The following WWC1 variants were observed in gnomAD, a reference collection of about 807,000 sequenced individuals.
The protein encoded by WWC1 is protein KIBRA.
A neutral mutation model predicts 138.4 loss-of-function variants in WWC1; 55 were observed. The observed-to-expected ratio is 0.40, with a 90% confidence interval of 0.32 to 0.50. The LOEUF (loss-of-function observed/expected upper bound fraction) is 0.50. Ranked by LOEUF, WWC1 falls within the 20% of genes least tolerant of loss-of-function variation. WWC1 has a pLI of 0.72. For synonymous variants in WWC1, 524 were observed against 564.9 expected (o/e 0.93, Z 1.03); for missense variants, 1,226 against 1,420.4 (o/e 0.86, Z 2.20).
intron 16 of WWC1, 153 bp downstream of exon 16, chr5:168,441,987 C>T (rs1754816156): frequency 1.8e-6 from 2 of 1,127,638 alleles, no homozygotes; most frequent in Non-Finnish European, 2.4e-6. Flanking sequence ...GGAGAGATCT[C>T]CACTAAGGGG....
intron 1 of WWC1, among the ~76,000 whole-genome samples, chr5:168,313,520 G>A (rs1412563458): frequency 1.3e-5 from 2 of 152,110 alleles, no homozygotes; most frequent in East Asian, 3.9e-4. Context: ...GAACCCAGGA[G>A]GTGGAGGTTG....
chr5:168,333,365 C>T (rs1314877788), intron 1 of WWC1, among the ~76,000 whole-genome samples: 1 of 152,300 alleles, frequency 6.6e-6, no homozygotes, highest in East Asian at 1.9e-4. Flanking sequence ...GTGGATGATG[C>T]CTATTTTGCA....
At position 168,434,981 on chromosome 5, in the gene WWC1, C is replaced by G. The variant is rs774563089; in HGVS notation, c.2280+3537C>G. ...TGTCAAAGTGAACTCTCCACCCCCT[C>G]CTCTCCAACTGAGCAACTGGAAAAA... On this transcript the variant is annotated intron_variant, in intron 15 of 22. Coordinates refer to ENST00000265293, the MANE Select transcript of WWC1 (RefSeq NM_015238.3). 6.5e-4 allele frequency among the ~76,000 whole-genome samples: 99 copies of G among 152,198 alleles called. 3 individuals are homozygous for G. Among genetic ancestry groups the G allele is most frequent in the Admixed American group, 3.3e-4 (5 of 15,292 alleles).
chr5:168,361,142 A>C (rs1039189773), intron 1 of WWC1, among the ~76,000 whole-genome samples: 1 of 152,220 alleles, frequency 6.6e-6, no homozygotes, highest in East Asian at 1.9e-4. Flanking sequence ...CTATACCTGC[A>C]GGAAAACTGA....
chr5:168,338,914 T>C (rs1483900040), intron 1 of WWC1, among the ~76,000 whole-genome samples: 2 of 152,146 alleles, frequency 1.3e-5, no homozygotes, highest in Non-Finnish European at 2.9e-5. Context: ...TCTATAGCAC[T>C]AAAAAACTAT....
chr5:168,439,955 T>C (rs776736440), intron 15 of WWC1, among the ~76,000 whole-genome samples: 39 of 152,324 alleles, frequency 2.6e-4, no homozygotes, highest in Non-Finnish European at 4.0e-4. Flanking sequence ...CACAGTTTTC[T>C]ACCTCACTTG....
At chr5:168,317,787 C>A (rs1462085463) in intron 1 of WWC1, among the ~76,000 whole-genome samples, 2 of 152,164 alleles carry the variant, frequency 1.3e-5, no homozygotes, top group Non-Finnish European at 2.9e-5. Context: ...TGCCTAATGA[C>A]TCCTAGAATA....
chr5:168,315,757 G>A (rs1561599539), intron 1 of WWC1, among the ~76,000 whole-genome samples: 2 of 152,076 alleles, frequency 1.3e-5, no homozygotes, highest in Non-Finnish European at 2.9e-5. Context: ...GGTGACGAAT[G>A]GTCGCTTCCC....
At chr5:168,409,192 G>A (rs1049673029) in intron 7 of WWC1, among the ~76,000 whole-genome samples, 1 of 152,152 alleles carries the variant, frequency 6.6e-6, no homozygotes, top group African/African-American at 2.4e-5. Context: ...ATGGTGCCTC[G>A]TAACTTTTGG....
At chr5:168,411,216 C>T (rs868611061) in intron 8 of WWC1, among the ~76,000 whole-genome samples, 7 of 152,222 alleles carry the variant, frequency 4.6e-5, no homozygotes, top group Middle Eastern at 3.4e-3. Flanking sequence ...TGTGAGCTAC[C>T]GCACCCGGCC....
rs1554101623 is a variant in WWC1 at position 168,384,733 on chromosome 5, T to TTTTTTG, written c.230-476_230-475insTTTGTT. On this transcript the variant is annotated intron_variant, in intron 2 of 22. Coordinates refer to ENST00000265293, the MANE Select transcript of WWC1 (RefSeq NM_015238.3). ...TTATTCTTTTTTTTTTTTTTTTTTT[T>TTTTTTG]TTCAGACAGAGTCTCATTATGTCAT... is the stretch of plus-strand genomic sequence containing the variant. Among the ~76,000 whole-genome samples, 38 of 144,534 alleles carry TTTTTTG rather than the reference T, an allele frequency of 2.6e-4. 1 individual carries two copies. The highest frequency in any genetic ancestry group is 4.7e-4 in the African/African-American group (18 of 38,640). 94.8% of individuals were successfully genotyped at this position (144,534 alleles called of 152,430 possible).
At chr5:168,337,865 C>A (rs777521608) in intron 1 of WWC1, among the ~76,000 whole-genome samples, 3 of 152,108 alleles carry the variant, frequency 2.0e-5, no homozygotes, top group Non-Finnish European at 4.4e-5. Flanking sequence ...GCTAGCCATG[C>A]AGGAAGAGGA....
intron 1 of WWC1, among the ~76,000 whole-genome samples, chr5:168,364,458 G>A (rs191467626): frequency 2.0e-4 from 31 of 152,286 alleles, no homozygotes; most frequent in African/African-American, 6.7e-4. Context: ...CGCGGGTAGC[G>A]TTACAGCCAC....
chr5:168,417,917 CTT>C (rs1406113327), intron 9 of WWC1, among the ~76,000 whole-genome samples: 1 of 152,184 alleles, frequency 6.6e-6, no homozygotes, highest in Non-Finnish European at 1.5e-5. Context: ...CCCCAGCTGT[CTT>C]TGTGTCTGCA....
In WWC1 at chr5:168,380,147, A is replaced by T. The variant is rs554977361; in HGVS notation, c.230-5064A>T. ...TCCAAGTATGTAAAGACGTCCTACA[A>T]CTTAACAGTAAGAAGCAGCTGGCAC... On this transcript the variant is annotated intron_variant, in intron 2 of 22. Coordinates refer to ENST00000265293, the MANE Select transcript of WWC1 (RefSeq NM_015238.3). Among the ~76,000 whole-genome samples, 111 of 152,304 alleles carry T rather than the reference A, an allele frequency of 7.3e-4. 2 individuals carry two copies. In the South Asian group the frequency reaches 0.021, roughly 29 times the overall value.
intron 15 of WWC1, 28 bp from the exon 16 acceptor site, chr5:168,441,654 A>C: frequency 6.2e-7 from 1 of 1,609,720 alleles, no homozygotes; most frequent in Non-Finnish European, 8.5e-7. Flanking sequence ...ACCGCCACTT[A>C]TGTTCTCCTT....
intron 17 of WWC1, among the ~76,000 whole-genome samples, chr5:168,446,754 A>G (rs1755310255): frequency 6.6e-6 from 1 of 152,224 alleles, no homozygotes; most frequent in Non-Finnish European, 1.5e-5. Flanking sequence ...AGGGAAAGGC[A>G]CTAATGAAGA....
chr5:168,410,083 A>G, intron 8 of WWC1, 88 bp downstream of exon 8: 1 of 1,267,504 alleles, frequency 7.9e-7, no homozygotes, highest in South Asian at 1.2e-5. Context: ...CTTTTCACAC[A>G]CTTCGTCTTC....
At chr5:168,433,975 G>T (rs1169959261) in intron 15 of WWC1, among the ~76,000 whole-genome samples, 1 of 152,238 alleles carries the variant, frequency 6.6e-6, no homozygotes, top group East Asian at 1.9e-4. Flanking sequence ...ACCCCAGCAG[G>T]TCTCCCTCTG....
Sources: gnomAD v4.1 joint callset for allele counts (sites outside exome capture counted in the v4.1 genomes callset) on GRCh38, gnomAD v4.1.1 for gene constraint, MANE v1.5 for transcripts, NCBI Gene and HGNC (gene_info 2026-07-23, HGNC 2026-07-21) for gene names.